FBXL2: variants seen among roughly 807,000 people sequenced by gnomAD.
FBXL2 encodes the protein F-box/LRR-repeat protein 2.
Under a neutral mutation model 69.2 loss-of-function variants are expected in FBXL2, and 38 were observed. That is an observed-to-expected ratio of 0.55 (90% CI 0.42 to 0.72). The LOEUF is 0.72. Ranked by LOEUF, FBXL2 falls within the 30% of genes least tolerant of loss-of-function variation. The probability of loss-of-function intolerance (pLI) is 0.00; values close to 1 mark genes in which losing one functional copy is unlikely to be tolerated. For synonymous variants in FBXL2, 192 were observed against 201.3 expected, an observed-to-expected ratio of 0.95 and a Z score of 0.39; for missense variants, 354 against 520.3, an observed-to-expected ratio of 0.68 and a Z score of 3.11.
the FBXL2 span, among the ~76,000 whole-genome samples, chr3:33,420,661 G>T: frequency 6.6e-6 from 1 of 152,224 alleles, no homozygotes; most frequent in East Asian, 1.9e-4. Flanking sequence ...GCTAATTTTT[G>T]TATTTTTAGT....
At chr3:33,407,414 C>G (rs970154692), downstream of FBXL2, among the ~76,000 whole-genome samples, 1 of 152,058 alleles carries the variant, frequency 6.6e-6, no homozygotes, top group Admixed American at 6.5e-5. Context: ...GAATCCCCCC[C>G]AAAGAAGTTT....
chr3:33,334,594 AAAG>A (rs1311814972), intron 2 of FBXL2, among the ~76,000 whole-genome samples: 3 of 152,224 alleles, frequency 2.0e-5, no homozygotes, highest in Non-Finnish European at 2.9e-5. Context: ...GAGGTGCAAA[AAAG>A]AGAAGAGAAA....
intron 2 of FBXL2, among the ~76,000 whole-genome samples, chr3:33,314,649 A>G (rs911537569): frequency 1.3e-5 from 2 of 152,188 alleles, no homozygotes; most frequent in Non-Finnish European, 2.9e-5. Context: ...TGAAACATGT[A>G]TCAGTCATTT....
At chr3:33,277,587 C>A (rs1435922698) in intron 1 of FBXL2, 72 bp downstream of exon 1, 2 of 1,242,506 alleles carry the variant, frequency 1.6e-6, no homozygotes, top group Non-Finnish European at 2.0e-6. Context: ...ACGCCGCCGC[C>A]CGCTAGGGTC....
At chr3:33,293,400 G>T (rs1194324754) in intron 1 of FBXL2, among the ~76,000 whole-genome samples, 7 of 152,206 alleles carry the variant, frequency 4.6e-5, no homozygotes, top group African/African-American at 7.2e-5. Context: ...CTATGGCATA[G>T]AAAAGTTAAA....
intron 1 of FBXL2, among the ~76,000 whole-genome samples, chr3:33,289,033 G>A (rs1469460632): frequency 1.3e-5 from 2 of 152,162 alleles, no homozygotes; most frequent in African/African-American, 4.8e-5. Flanking sequence ...GAAGACCATG[G>A]AAGGAGAAAG....
intron 2 of FBXL2, among the ~76,000 whole-genome samples, chr3:33,351,943 T>G (rs1000773458): frequency 7.3e-6 from 1 of 137,918 alleles, no homozygotes; most frequent in African/African-American, 2.8e-5. Context: ...CTGGGCAACA[T>G]AGTGGGACCC....
intron 2 of FBXL2, among the ~76,000 whole-genome samples, chr3:33,342,074 G>T (rs2040070089): frequency 7.1e-6 from 1 of 140,450 alleles, no homozygotes; most frequent in East Asian, 2.1e-4. Flanking sequence ...GCACGATCTC[G>T]GCTCACTGCA....
At chr3:33,321,956 AGTTT>A (rs1428388636) in intron 2 of FBXL2, among the ~76,000 whole-genome samples, 3 of 151,788 alleles carry the variant, frequency 2.0e-5, no homozygotes, top group Non-Finnish European at 4.4e-5. Context: ...TTCAGAAAAC[AGTTT>A]GTCACTGCCC....
intron 2 of FBXL2, among the ~76,000 whole-genome samples, chr3:33,301,207 A>G (rs1045342892): frequency 2.0e-5 from 3 of 152,130 alleles, no homozygotes; most frequent in African/African-American, 4.8e-5. Flanking sequence ...TTCATATTGT[A>G]GACTTCTTTG....
exon 13 of FBXL2, chr3:33,403,486 C>CTA (rs2044308568): frequency 3.0e-5 from 3 of 98,466 alleles, no homozygotes; most frequent in Middle Eastern, 0.011. Flanking sequence ...CTACATCTAT[C>CTA]TCTATCTATC....
At chr3:33,325,248 T>A (rs541040019) in intron 2 of FBXL2, among the ~76,000 whole-genome samples, 3 of 152,338 alleles carry the variant, frequency 2.0e-5, no homozygotes, top group South Asian at 4.1e-4. Flanking sequence ...CAGAGACAAT[T>A]TGACTTCCTC....
intron 5 of FBXL2, among the ~76,000 whole-genome samples, chr3:33,369,177 A>G (rs1467183491): frequency 6.6e-6 from 1 of 151,632 alleles, no homozygotes; most frequent in Admixed American, 6.6e-5. Flanking sequence ...TCAGACTCCC[A>G]AGTAGCTGGG....
chr3:33,409,058 A>T, the FBXL2 span, among the ~76,000 whole-genome samples: 38 of 152,182 alleles, frequency 2.5e-4, no homozygotes, highest in Non-Finnish European at 4.0e-4. Context: ...GATCCCACCC[A>T]GGAAACAGTC....
intron 2 of FBXL2, among the ~76,000 whole-genome samples, chr3:33,329,085 CAATTAAAAACAGGCCAGAGATCTGAA>C (rs1313014074): frequency 6.6e-6 from 1 of 151,878 alleles, no homozygotes; most frequent in Non-Finnish European, 1.5e-5. Flanking sequence ...CCAGATAGTC[CAATTAAAAACAGGCCAGAGATCTGAA>C]TAGACATTTC....
chr3:33,409,590 G>A, the FBXL2 span: 1 of 1,614,162 alleles, frequency 6.2e-7, no homozygotes, highest in Non-Finnish European at 8.5e-7. Flanking sequence ...ATTCTGTGCT[G>A]ATGCAGTGTA....
chr3:33,326,889 G>A (rs2125814557), intron 2 of FBXL2, among the ~76,000 whole-genome samples: 1 of 152,260 alleles, frequency 6.6e-6, no homozygotes, highest in South Asian at 2.1e-4. Context: ...GAGAATGTGT[G>A]TAAATACAAA....
intron 12 of FBXL2, chr3:33,396,379 G>A (rs2043996354): frequency 2.3e-6 from 2 of 878,874 alleles, no homozygotes; most frequent in Non-Finnish European, 1.7e-6. Flanking sequence ...ATTTCCTTAT[G>A]AGAACTTTAT....
At chr3:33,390,359 C>A (rs1192454914), downstream of FBXL2, 1 of 1,614,132 alleles carries the variant, frequency 6.2e-7, no homozygotes, top group Non-Finnish European at 8.5e-7. Flanking sequence ...GATGCCATCA[C>A]TACTTTCAGC....
Sources: gnomAD v4.1 joint callset for allele counts (sites outside exome capture counted in the v4.1 genomes callset) on GRCh38, gnomAD v4.1.1 for gene constraint, MANE v1.5 for transcripts, NCBI Gene and HGNC (gene_info 2026-07-23, HGNC 2026-07-21) for gene names.